MUSK: variants seen among roughly 807,000 people sequenced by gnomAD.
MUSK encodes muscle associated receptor tyrosine kinase, also known as muscle, skeletal receptor tyrosine-protein kinase.
A neutral mutation model predicts 88.7 loss-of-function variants in MUSK; 55 were observed. The observed-to-expected ratio is 0.62, with a 90% CI of 0.50 to 0.78. The LOEUF (loss-of-function observed/expected upper bound fraction) is 0.78, where lower values mean the gene tolerates loss of function less well. Ranked by LOEUF, MUSK falls within the 30% of genes least tolerant of loss-of-function variation. The probability of loss-of-function intolerance (pLI) is 0.00; values close to 1 mark genes in which losing one functional copy is unlikely to be tolerated. For synonymous variants in MUSK, 387 were observed against 391.9 expected (o/e 0.99, Z 0.15); for missense variants, 1,015 against 1,074.3 (o/e 0.94, Z 0.77).
At chr9:110,770,392 A>G (rs893922081) in intron 9 of MUSK, among the ~76,000 whole-genome samples, 3 of 146,456 alleles carry the variant, frequency 2.0e-5, no homozygotes, top group Admixed American at 6.9e-5. Context: ...TATAAGCTAT[A>G]TAATTATATA....
At chr9:110,682,273 A>G (rs543525643) in intron 1 of MUSK, among the ~76,000 whole-genome samples, 1 of 152,186 alleles carries the variant, frequency 6.6e-6, no homozygotes, top group South Asian at 2.1e-4. Flanking sequence ...CAATTTTTTA[A>G]ATTATTATCC....
intron 4 of MUSK, among the ~76,000 whole-genome samples, chr9:110,697,013 G>A (rs2076438766): frequency 6.7e-6 from 1 of 148,716 alleles, no homozygotes; most frequent in Admixed American, 6.7e-5. Flanking sequence ...CTTTGGGGAA[G>A]CAAAATAAGC....
At chr9:110,783,167 A>C (rs951572275) in intron 11 of MUSK, among the ~76,000 whole-genome samples, 15 of 152,110 alleles carry the variant, frequency 9.9e-5, no homozygotes, top group Non-Finnish European at 2.2e-4. Context: ...TTATTCTCTG[A>C]CTATGATGTA....
intron 5 of MUSK, among the ~76,000 whole-genome samples, chr9:110,718,425 C>A (rs1225424381): frequency 6.6e-6 from 1 of 151,762 alleles, no homozygotes; most frequent in Non-Finnish European, 1.5e-5. Flanking sequence ...ACAATAGTGT[C>A]AATGCAAAAT....
chr9:110,728,810 C>T, intron 5 of MUSK: 1 of 982,256 alleles, frequency 1.0e-6, no homozygotes, highest in East Asian at 2.7e-5. Flanking sequence ...CTCTAAGTGC[C>T]ATTTTTAAAG....
At chr9:110,784,707 T>C (rs945509718) in intron 11 of MUSK, 108 bp from the exon 12 acceptor site, 5 of 792,384 alleles carry the variant, frequency 6.3e-6, no homozygotes, top group African/African-American at 5.2e-5. Context: ...GAGAACCTGA[T>C]ACATAAATAT....
At chr9:110,718,705 A>G (rs1016297758) in intron 5 of MUSK, among the ~76,000 whole-genome samples, 4 of 152,094 alleles carry the variant, frequency 2.6e-5, no homozygotes, top group Non-Finnish European at 5.9e-5. Flanking sequence ...CTAGAGATCT[A>G]GACATCCGAA....
At chr9:110,746,724 T>G (rs1338880101) in intron 6 of MUSK, among the ~76,000 whole-genome samples, 1 of 152,222 alleles carries the variant, frequency 6.6e-6, no homozygotes, top group Non-Finnish European at 1.5e-5. Context: ...AACACCTGGA[T>G]GAAGTCCAGG....
chr9:110,707,558 T>G (rs1298281246), intron 5 of MUSK, among the ~76,000 whole-genome samples: 1 of 152,200 alleles, frequency 6.6e-6, no homozygotes, highest in South Asian at 2.1e-4. Context: ...TCTTGTTAAT[T>G]GCATTTTCTA....
intron 14 of MUSK, among the ~76,000 whole-genome samples, chr9:110,798,844 T>C (rs898869794): frequency 1.3e-5 from 2 of 152,178 alleles, no homozygotes; most frequent in African/African-American, 2.4e-5. Flanking sequence ...TATATAATTG[T>C]TCATAATAAT....
intron 7 of MUSK, among the ~76,000 whole-genome samples, chr9:110,752,629 G>A (rs939694143): frequency 2.6e-5 from 4 of 152,082 alleles, no homozygotes; most frequent in African/African-American, 7.2e-5. Flanking sequence ...CATGTTCCTC[G>A]TGTTTCCCTT....
chr9:110,677,772 T>C (rs180812953), intron 1 of MUSK, among the ~76,000 whole-genome samples: 1 of 152,310 alleles, frequency 6.6e-6, no homozygotes, highest in East Asian at 1.9e-4. Flanking sequence ...TTATTTATCA[T>C]GTTAAAGAAA....
chr9:110,724,376 C>T (rs2076856392), intron 5 of MUSK, among the ~76,000 whole-genome samples: 1 of 151,810 alleles, frequency 6.6e-6, no homozygotes, highest in Non-Finnish European at 1.5e-5. Context: ...ATTCCTTTTC[C>T]AGTAATTTTG....
intron 3 of MUSK, among the ~76,000 whole-genome samples, chr9:110,691,485 T>C (rs764881585): frequency 6.6e-6 from 1 of 152,154 alleles, no homozygotes; most frequent in African/African-American, 2.4e-5. Flanking sequence ...CTCCTTTCCA[T>C]TGATTCCCCA....
intron 7 of MUSK, among the ~76,000 whole-genome samples, chr9:110,757,893 T>C (rs995151268): frequency 6.6e-6 from 1 of 152,182 alleles, no homozygotes; most frequent in Non-Finnish European, 1.5e-5. Context: ...TTTAAAAGAA[T>C]AAAGAAAAAT....
intron 3 of MUSK, among the ~76,000 whole-genome samples, chr9:110,693,276 C>G (rs988150063): frequency 2.6e-5 from 4 of 152,126 alleles, no homozygotes; most frequent in African/African-American, 9.7e-5. Context: ...TTCTTGCCTT[C>G]TTTTTTCCAA....
intron 6 of MUSK, among the ~76,000 whole-genome samples, chr9:110,740,859 G>T (rs988709522): frequency 6.6e-6 from 1 of 152,098 alleles, no homozygotes; most frequent in Non-Finnish European, 1.5e-5. Context: ...GGATAACCTC[G>T]AGAACATTAT....
In MUSK at chr9:110,728,648, TTTA is replaced by T. The variant is rs142562869; in HGVS notation, c.629-5600_629-5598del. 6.7e-3 allele frequency: 8,903 copies of T among 1,338,764 alleles called. 46 individuals carry two copies. Among genetic ancestry groups the T allele is most frequent in the Non-Finnish European group, 8.4e-3 (7,966 of 948,036 alleles). The allele number at this position is 1,338,764 out of a possible 1,614,324, so 82.9% of individuals were successfully genotyped here. On this transcript the variant is annotated intron_variant, in intron 5 of 14. Coordinates refer to ENST00000374448, the MANE Select transcript of MUSK (RefSeq NM_005592.4). ...CATGATGTGTTGTTTTGTTTGCGTG[TTTA>T]TTGTGTGTGTTTGTTTTGTCTTGTT...
chr9:110,802,605 A>G lies in MUSK; in HGVS notation c.*1617A>G, dbSNP rs533957146. Among the ~76,000 whole-genome samples, 1 of 152,314 alleles carries G rather than the reference A, an allele frequency of 6.6e-6. No homozygotes were observed. Among genetic ancestry groups the G allele is most frequent in the African/African-American group, 2.4e-5 (1 of 41,580 alleles). On this transcript the variant is annotated 3_prime_UTR_variant, in exon 15 of 15. Coordinates refer to ENST00000374448, the MANE Select transcript of MUSK (RefSeq NM_005592.4). ...CTCCAGGCAACCAAGACAAAAATGT[A>G]GAAATTTTCCTAGACTTTGCCCTCT...
Sources: allele counts gnomAD v4.1 joint callset (sites outside exome capture counted in the v4.1 genomes callset), GRCh38; gene constraint gnomAD v4.1.1; transcripts MANE v1.5; gene names NCBI Gene and HGNC (gene_info 2026-07-23, HGNC 2026-07-21).